TCTN2: variants seen among roughly 807,000 people sequenced by gnomAD.
TCTN2 encodes tectonic family member 2, also known as tectonic-2.
Under a neutral mutation model 83.4 loss-of-function variants are expected in TCTN2, and 66 were observed. The ratio of observed to expected loss-of-function variants is 0.79; its 90% CI spans 0.65 to 0.97. The LOEUF is 0.97. Ranked by LOEUF, TCTN2 falls within the 50% of genes least tolerant of loss-of-function variation. The pLI is 0.00. For synonymous variants in TCTN2, 301 were observed against 326.7 expected, an observed-to-expected ratio of 0.92 and a Z score of 0.85; for missense variants, 794 against 858.1, an observed-to-expected ratio of 0.93 and a Z score of 0.93.
At chr12:123,686,583 C>T (rs1187492192) in intron 5 of TCTN2, among the ~76,000 whole-genome samples, 2 of 152,118 alleles carry the variant, frequency 1.3e-5, no homozygotes, top group African/African-American at 2.4e-5. Context: ...ATCTCATGTC[C>T]TTGGTAAAAC....
intron 14 of TCTN2, among the ~76,000 whole-genome samples, chr12:123,701,520 C>T (rs1029630776): frequency 7.2e-5 from 11 of 151,740 alleles, no homozygotes; most frequent in African/African-American, 1.2e-4. Context: ...GGGTGGATCA[C>T]GAGGTCAGGA....
intron 7 of TCTN2, 125 bp from the exon 8 acceptor site, chr12:123,690,408 C>A: frequency 7.5e-7 from 1 of 1,333,300 alleles, no homozygotes; most frequent in South Asian, 1.2e-5. Flanking sequence ...GGTGAACTTG[C>A]CGTTGCTGAA....
rs941882885 is a variant in TCTN2, at chr12:123,692,792, A to G, written c.1099+69A>G. 5.0e-6 allele frequency: 6 copies of G among 1,200,302 alleles called. No individual in the cohort carries two copies. The African/African-American group carries it at 9.1e-5, about 18-fold the overall frequency. 74.4% of individuals were successfully genotyped at this position (1,200,302 alleles called of 1,614,324 possible). On this transcript the variant is annotated intron_variant, in intron 9 of 17. Coordinates refer to ENST00000303372, the MANE Select transcript of TCTN2 (RefSeq NM_024809.5). ...ATGTCATTTCTTACAAGTAATATATACCCTCAGAGTGTATATTTTTGTTAG... is the reference window on the plus strand; with the variant it reads ...ATGTCATTTCTTACAAGTAATATATGCCCTCAGAGTGTATATTTTTGTTAG...
chr12:123,696,268 G>A (rs577954879), intron 11 of TCTN2, 147 bp from the exon 12 acceptor site: 43 of 686,854 alleles, frequency 6.3e-5, no homozygotes, highest in South Asian at 5.0e-4. Context: ...TTTGAGACCC[G>A]AAGTTGCCAT....
chr12:123,681,284 A>T (rs1955896995), intron 5 of TCTN2, among the ~76,000 whole-genome samples: 1 of 152,024 alleles, frequency 6.6e-6, no homozygotes, highest in Admixed American at 6.6e-5. Flanking sequence ...GAAAGAAATC[A>T]CAGGTTTTCA....
Position 123,707,876 on chromosome 12 carries a change from A to C in TCTN2, c.*163A>C. The C allele has an allele frequency of 1.5e-6, 1 of 648,552 alleles. No individual in the cohort carries two copies. The highest frequency in any genetic ancestry group is 1.7e-5 in the South Asian group (1 of 59,538). The allele number at this position is 648,552 out of a possible 1,614,324, so 40.2% of individuals were successfully genotyped here. A position where few individuals can be genotyped will look rare whatever the true frequency, so the allele number is the denominator to read the frequency against. ...CAGGCATGCACCACCACGCCCGGCT[A>C]ATTTTGTATTTTTAGTAGAGACAGG... On this transcript the variant is annotated 3_prime_UTR_variant, in exon 18 of 18. Transcript: ENST00000303372.
intron 3 of TCTN2, 63 bp downstream of exon 3, chr12:123,672,195 G>A: frequency 7.3e-7 from 1 of 1,372,122 alleles, no homozygotes; most frequent in South Asian, 1.2e-5. Context: ...GGTTTCTGCA[G>A]TGCTCTCTTT....
intron 9 of TCTN2, among the ~76,000 whole-genome samples, chr12:123,693,454 A>G (rs59064530): frequency 1.0e-4 from 8 of 79,068 alleles, no homozygotes; most frequent in African/African-American, 3.9e-4. Flanking sequence ...AGTTTGGCAG[A>G]TTTTTTTTTT....
chr12:123,675,401 A>G (rs1431934951), intron 4 of TCTN2, among the ~76,000 whole-genome samples: 3 of 152,144 alleles, frequency 2.0e-5, no homozygotes, highest in African/African-American at 7.2e-5. Flanking sequence ...TCTTGCCTTT[A>G]TGGCCACGTG....
rs1956237997 is a variant in TCTN2 at position 123,707,013 on chromosome 12, T to C, written c.1924T>C (p.Cys642Arg). 6 of 1,614,116 alleles carry C rather than the reference T, an allele frequency of 3.7e-6. No individual in the cohort carries two copies. In the East Asian group the frequency reaches 8.9e-5, roughly 24 times the overall value. ...CCAGATCAATTATACAGAGTATGAC[T>C]GCAACAGAAATGAGGTGTGTTGGCC... ...RFQINYTEYD[C>R]NRNEVCWPQL... Residue 642 changes from cysteine to arginine, a missense_variant, in exon 17 of 18, where the codon TGC (cysteine) becomes CGC (arginine). Coordinates refer to ENST00000303372, the MANE Select transcript of TCTN2 (RefSeq NM_024809.5).
chr12:123,688,167 C>G lies in TCTN2; in HGVS notation c.881C>G (p.Thr294Ser), dbSNP rs1377727581. 2 of 1,610,520 alleles carry G rather than the reference C, an allele frequency of 1.2e-6. No individual in the cohort carries two copies. Among genetic ancestry groups the G allele is most frequent in the South Asian group, 2.2e-5 (2 of 91,026 alleles). ...ATGACTGTAAAGAAGGCATATTTTA[C>G]TATTCCGCAGGTAATCGTTGCAATA... ...PIMTVKKAYFTIPQVSLAGQC... is the reference protein window; with the variant it reads ...PIMTVKKAYFSIPQVSLAGQC... The change falls in exon 7 of 18, where the codon ACT becomes AGT. Residue 294 changes from threonine to serine, a missense_variant. By Grantham distance (58) the Thr-to-Ser change is moderately conservative. Transcript: ENST00000303372.
chr12:123,705,161 GTT>G (rs71308014), intron 15 of TCTN2, among the ~76,000 whole-genome samples: 20 of 117,704 alleles, frequency 1.7e-4, no homozygotes, highest in African/African-American at 4.2e-4. Context: ...GCCTCCATCA[GTT>G]TTTTTTTTTT....
chr12:123,702,565 T>C (rs1956185482), intron 14 of TCTN2, among the ~76,000 whole-genome samples: 1 of 152,196 alleles, frequency 6.6e-6, no homozygotes, highest in South Asian at 2.1e-4. Flanking sequence ...AGGCTGCTGT[T>C]TGCTCATCTA....
intron 14 of TCTN2, among the ~76,000 whole-genome samples, chr12:123,701,722 G>A (rs1009179856): frequency 4.7e-5 from 7 of 149,540 alleles, no homozygotes; most frequent in East Asian, 2.0e-4. Context: ...CAGCCTGGGC[G>A]ACAGAGCAAG....
rs752079640 is a variant in TCTN2 at position 123,690,695 on chromosome 12, A to G, written c.1033+21A>G. ...AGGAGGTATGTTACATTTCTTTGAA[A>G]AAAGAACACAGGCCCAAACATGAAT... On this transcript the variant is annotated intron_variant, in intron 8 of 17. Transcript: ENST00000303372. 2.5e-6 allele frequency: 4 copies of G among 1,613,542 alleles called. No individual in the cohort carries two copies. In the East Asian group the frequency reaches 6.7e-5, roughly 27 times the overall value.
chr12:123,687,539 C>T (rs552715422), intron 6 of TCTN2, among the ~76,000 whole-genome samples: 3 of 152,276 alleles, frequency 2.0e-5, no homozygotes, highest in Middle Eastern at 3.4e-3. Flanking sequence ...TGCCTGTAGT[C>T]CCAGCTACTA....
chr12:123,687,609 G>A (rs1198571989), intron 6 of TCTN2, among the ~76,000 whole-genome samples: 1 of 151,946 alleles, frequency 6.6e-6, no homozygotes, highest in African/African-American at 2.4e-5. Context: ...CTGAGATCGC[G>A]CCACTGCACT....
intron 15 of TCTN2, among the ~76,000 whole-genome samples, chr12:123,704,983 C>T (rs778558017): frequency 1.3e-5 from 2 of 152,004 alleles, no homozygotes; most frequent in Non-Finnish European, 2.9e-5. Flanking sequence ...ATGGATGTAA[C>T]TGATAATCTG....
In TCTN2 at chr12:123,679,279, G is replaced by C. The variant is rs1373837519; in HGVS notation, c.554G>C (p.Cys185Ser). ...LTAGACDVRC[C>S]CDQECSSNLT... Reference sequence around the variant, plus strand: ...GCTGGAGCCTGTGATGTTCGCTGCTGCTGTGACCAGGTATGTTCTTTGGTT... The same window carrying C: ...GCTGGAGCCTGTGATGTTCGCTGCTCCTGTGACCAGGTATGTTCTTTGGTT... The change falls in exon 5 of 18, where the codon TGC (cysteine) becomes TCC (serine). Residue 185 changes from cysteine (C) to serine (S), a missense_variant. Physicochemically the swap from Cys to Ser is moderately radical, Grantham distance 112. Coordinates refer to ENST00000303372, the MANE Select transcript of TCTN2 (RefSeq NM_024809.5). 6.2e-7 allele frequency: 1 copy of C among 1,613,792 alleles called. No homozygotes were observed. The highest frequency in any genetic ancestry group is 8.5e-7 in the Non-Finnish European group (1 of 1,179,864).
Sources: allele counts gnomAD v4.1 joint callset (sites outside exome capture counted in the v4.1 genomes callset), GRCh38; gene constraint gnomAD v4.1.1; transcripts MANE v1.5; gene names NCBI Gene and HGNC (gene_info 2026-07-23, HGNC 2026-07-21).